The following EXOC6B variants were observed in gnomAD, a reference collection of about 807,000 sequenced individuals.
EXOC6B encodes the protein SEC15 homolog B.
Under a neutral mutation model 113.5 loss-of-function variants are expected in EXOC6B, and 54 were observed. The ratio of observed to expected loss-of-function variants is 0.48; its 90% CI spans 0.38 to 0.60. The LOEUF is 0.60. EXOC6B is among the 20% of genes least tolerant of loss of function. The pLI is 0.00. For synonymous variants in EXOC6B, 357 were observed against 339.0 expected (o/e 1.05, Z -0.58); for missense variants, 797 against 977.5 (o/e 0.82, Z 2.46).
chr2:72,626,697 T>C (rs1409164833), intron 6 of EXOC6B, among the ~76,000 whole-genome samples: 1 of 152,164 alleles, frequency 6.6e-6, no homozygotes, highest in Non-Finnish European at 1.5e-5. Context: ...TTTTAACACT[T>C]TTTGGTATCT....
intron 18 of EXOC6B, among the ~76,000 whole-genome samples, chr2:72,418,488 G>T (rs912672529): frequency 3.3e-5 from 5 of 152,134 alleles, no homozygotes; most frequent in Non-Finnish European, 7.4e-5. Context: ...TATATATGTT[G>T]ATGGTCTGTT....
At chr2:72,673,771 A>T (rs569935790) in intron 6 of EXOC6B, among the ~76,000 whole-genome samples, 168 of 148,042 alleles carry the variant, frequency 1.1e-3, no homozygotes, top group Middle Eastern at 7.0e-3. Flanking sequence ...TTTTTATTTT[A>T]TTTTTTTATT....
intron 18 of EXOC6B, among the ~76,000 whole-genome samples, chr2:72,450,450 T>TCTCTCAC: frequency 6.6e-6 from 1 of 152,288 alleles, no homozygotes; most frequent in Non-Finnish European, 1.5e-5. Flanking sequence ...AACTATCACA[T>TCTCTCAC]TATTTTAAAA....
chr2:72,180,626 G>A (rs1232559275), intron 21 of EXOC6B, among the ~76,000 whole-genome samples: 3 of 152,168 alleles, frequency 2.0e-5, no homozygotes, highest in Non-Finnish European at 4.4e-5. Context: ...GAAGAGAGGA[G>A]GGAAGGAACA....
intron 6 of EXOC6B, among the ~76,000 whole-genome samples, chr2:72,655,751 A>C (rs1021628051): frequency 2.0e-5 from 3 of 152,116 alleles, no homozygotes; most frequent in Non-Finnish European, 4.4e-5. Flanking sequence ...CAAAATTACA[A>C]ATTGCACTTT....
In EXOC6B at chr2:72,340,710, G is replaced by A. The variant is rs1688980739; in HGVS notation, c.2123-5690C>T. On this transcript the variant is annotated intron_variant, in intron 19 of 21. Transcript: ENST00000272427. ...TGTTTATAATTTAAGATCATGTTAG[G>A]TCACATGTGTTTTTTCGTGGGAATG... Among the ~76,000 whole-genome samples, 5 of 152,134 alleles carry A rather than the reference G, an allele frequency of 3.3e-5. No individual in the cohort carries two copies. The South Asian group carries it at 1.0e-3, about 32-fold the overall frequency.
intron 1 of EXOC6B, among the ~76,000 whole-genome samples, chr2:72,746,568 T>C (rs1681708936): frequency 6.6e-6 from 1 of 152,122 alleles, no homozygotes; most frequent in African/African-American, 2.4e-5. Flanking sequence ...TGAGTAATTC[T>C]GTTGAACAAA....
chr2:72,534,242 T>C (rs1020474788), intron 8 of EXOC6B, among the ~76,000 whole-genome samples: 1 of 152,104 alleles, frequency 6.6e-6, no homozygotes, highest in African/African-American at 2.4e-5. Flanking sequence ...CTAATGAGCA[T>C]GTTATAACTT....
intron 7 of EXOC6B, among the ~76,000 whole-genome samples, chr2:72,574,888 G>T (rs1704736652): frequency 6.6e-6 from 1 of 152,116 alleles, no homozygotes; most frequent in African/African-American, 2.4e-5. Context: ...AACAAAGAAA[G>T]ATAGAAAAAT....
intron 2 of EXOC6B, among the ~76,000 whole-genome samples, 179 bp from the exon 3 acceptor site, chr2:72,733,297 G>A (rs1042109525): frequency 6.6e-6 from 1 of 152,136 alleles, no homozygotes; most frequent in African/African-American, 2.4e-5. Flanking sequence ...TCTACTGGAT[G>A]TTTGCATGAC....
chr2:72,771,361 G>A (rs891142964), intron 1 of EXOC6B, among the ~76,000 whole-genome samples: 1 of 151,994 alleles, frequency 6.6e-6, no homozygotes, highest in Admixed American at 6.6e-5. Context: ...ATATATGCAT[G>A]CTTATTTTTC....
intron 18 of EXOC6B, among the ~76,000 whole-genome samples, chr2:72,415,887 A>G (rs529799261): frequency 6.6e-6 from 1 of 152,346 alleles, no homozygotes; most frequent in South Asian, 2.1e-4. Context: ...TTGAAGGCTT[A>G]TCTTCTTCAG....
chr2:72,618,445 T>A (rs1175139108), intron 6 of EXOC6B, among the ~76,000 whole-genome samples: 1 of 152,148 alleles, frequency 6.6e-6, no homozygotes, highest in Admixed American at 6.6e-5. Flanking sequence ...CAAAGGACAA[T>A]GACATCTTCA....
chr2:72,752,910 A>G (rs945715410), intron 1 of EXOC6B, among the ~76,000 whole-genome samples: 1 of 151,920 alleles, frequency 6.6e-6, no homozygotes, highest in African/African-American at 2.4e-5. Flanking sequence ...GTCTCCTTCA[A>G]TAATTCTTCT....
intron 20 of EXOC6B, among the ~76,000 whole-genome samples, chr2:72,330,358 G>A (rs547692504): frequency 4.6e-5 from 7 of 151,964 alleles, no homozygotes; most frequent in Admixed American, 2.0e-4. Flanking sequence ...TAAAAGAAGA[G>A]GTATATGAGG....
At chr2:72,185,779 C>T (rs1289383735) in intron 20 of EXOC6B, among the ~76,000 whole-genome samples, 3 of 147,560 alleles carry the variant, frequency 2.0e-5, no homozygotes, top group South Asian at 2.1e-4. Flanking sequence ...TTCTAGGGTA[C>T]ATGTGCACAA....
intron 11 of EXOC6B, among the ~76,000 whole-genome samples, chr2:72,508,268 A>C (rs894990730): frequency 1.3e-5 from 2 of 151,956 alleles, no homozygotes; most frequent in African/African-American, 4.8e-5. Flanking sequence ...ACAAAAATAC[A>C]TATCTTCTTT....
chr2:72,600,803 A>G (rs967784463), intron 6 of EXOC6B, among the ~76,000 whole-genome samples: 4 of 152,224 alleles, frequency 2.6e-5, no homozygotes, highest in Non-Finnish European at 5.9e-5. Flanking sequence ...CAACTTTTAG[A>G]TACAACACCA....
rs372319832 is a variant in EXOC6B at position 72,356,153 on chromosome 2, AC to A, written c.2123-21134del. 4.9e-4 allele frequency among the ~76,000 whole-genome samples: 74 copies of A among 152,324 alleles called. 3 individuals carry two copies. In the South Asian group the frequency reaches 0.015, roughly 31 times the overall value. ...ATTTATTTAATTTCACGTAAAGCCA[AC>A]TTTTATTTTTAAAATACATTTCTAC... On this transcript the variant is annotated intron_variant, in intron 19 of 21. Transcript: ENST00000272427.
Sources: gnomAD v4.1 joint callset for allele counts (sites outside exome capture counted in the v4.1 genomes callset) on GRCh38, gnomAD v4.1.1 for gene constraint, MANE v1.5 for transcripts, NCBI Gene and HGNC (gene_info 2026-07-23, HGNC 2026-07-21) for gene names.